Variants in ANKS3 observed in about 807,000 individuals in gnomAD.
The protein encoded by ANKS3 is ankyrin repeat and SAM domain-containing protein 3.
A neutral mutation model predicts 80.7 loss-of-function variants in ANKS3; 62 were observed. That is an observed-to-expected ratio of 0.77 (90% CI 0.63 to 0.95). The LOEUF is 0.95. ANKS3 is among the 40% of genes least tolerant of loss of function. The pLI, the probability that ANKS3 is intolerant of heterozygous loss-of-function variation, is 0.00. For synonymous variants in ANKS3, 489 were observed against 355.3 expected (o/e 1.38, Z -4.23); for missense variants, 1,150 against 883.6 (o/e 1.30, Z -3.82).
intron 7 of ANKS3, among the ~76,000 whole-genome samples, chr16:4,710,785 ATTTTG>A (rs2080443436): frequency 1.3e-5 from 2 of 152,084 alleles, no homozygotes; most frequent in South Asian, 2.1e-4. Context: ...AGAGTATTTT[ATTTTG>A]TTTTATTTTA....
At position 4,727,065 on chromosome 16, in the gene ANKS3, C is replaced by G; in HGVS notation, c.283G>C (p.Val95Leu). Residue 95 changes from valine to leucine, a missense_variant, in exon 4 of 18, where the codon GTG (valine) becomes CTG (leucine). By Grantham distance (32) the Val-to-Leu change is conservative (BLOSUM62 1). Coordinates refer to ENST00000304283, the MANE Select transcript of ANKS3 (RefSeq NM_133450.4). ...VHLLLEAGVS[V>L]NVPTPEGQTP... The stretch of plus-strand genomic sequence containing the variant: ...TGCCCTTCTGGGGTCGGCACATTCA[C>G]ACTCACCCCCGCCTCAAGCAGCAGG... 6.2e-7 allele frequency: 1 copy of G among 1,614,206 alleles called. No homozygotes were observed. Among genetic ancestry groups the G allele is most frequent in the Non-Finnish European group, 8.5e-7 (1 of 1,180,058 alleles).
At chr16:4,726,801 T>G in intron 4 of ANKS3, 21 bp from the exon 5 acceptor site, 1 of 1,609,678 alleles carries the variant, frequency 6.2e-7, no homozygotes, top group Admixed American at 1.7e-5. Context: ...ACACAGAACG[T>G]GCGTTACGGC....
Position 4,727,118 on chromosome 16 carries a change from G to T in ANKS3, c.230C>A (p.Ser77Tyr), listed in dbSNP as rs1057371708. The T allele has an allele frequency of 6.2e-7, 1 of 1,614,196 alleles. No homozygotes were observed. Among genetic ancestry groups the T allele is most frequent in the Non-Finnish European group, 8.5e-7 (1 of 1,180,040 alleles). Reference protein sequence around the residue: ...GGGWTPLMYASYIGHDTIVHL... With the variant: ...GGGWTPLMYAYYIGHDTIVHL... The stretch of plus-strand genomic sequence containing the variant: ...CACGATTGTGTCGTGGCCAATGTAG[G>T]AGGCATACATCAGCGGGGTCCAGCC... Residue 77 changes from serine to tyrosine, a missense_variant, in exon 4 of 18, where the codon TCC (serine) becomes TAC (tyrosine). Physicochemically the swap from Ser to Tyr is moderately radical, Grantham distance 144. Transcript: ENST00000304283.
At chr16:4,698,138 G>A in intron 14 of ANKS3, 76 bp from the exon 15 acceptor site, 1 of 1,457,946 alleles carries the variant, frequency 6.9e-7, no homozygotes, top group Non-Finnish European at 9.4e-7. Flanking sequence ...GACCTTCTAG[G>A]GGAGGGAGGG....
chr16:4,703,622 T>C (rs2080034123), intron 8 of ANKS3, among the ~76,000 whole-genome samples: 2 of 151,340 alleles, frequency 1.3e-5, no homozygotes, highest in Non-Finnish European at 2.9e-5. Flanking sequence ...GATTTCACCA[T>C]GTTGGCCAGG....
Position 4,697,393 on chromosome 16 carries a change from G to A in ANKS3, c.1834C>T (p.Leu612=), listed in dbSNP as rs2079622654. ...AGCTCGGGGAGGCTCATGGCCTGCA[G>A]GGACGCTTGCCAGCCCTTGGAGTCT... ...PADSKGWQAS[L]QAMSLPELSG... is the part of the protein sequence containing the mutation. Residue 612 remains leucine, a synonymous_variant, in exon 16 of 18, where the codon CTG becomes TTG. Transcript: ENST00000304283. The A allele has an allele frequency of 3.1e-6, 5 of 1,609,104 alleles. No individual in the cohort carries two copies. In the African/African-American group the frequency reaches 4.0e-5, roughly 13 times the overall value.
chr16:4,703,215 C>G (rs1194709600), intron 8 of ANKS3, among the ~76,000 whole-genome samples: 3 of 152,198 alleles, frequency 2.0e-5, no homozygotes, highest in African/African-American at 7.2e-5. Context: ...TGGGCTCAAG[C>G]AATCCTTCCA....
At chr16:4,733,301 A>T (rs985806090) in intron 1 of ANKS3, among the ~76,000 whole-genome samples, 127 of 144,492 alleles carry the variant, frequency 8.8e-4, no homozygotes, top group Middle Eastern at 3.5e-3. Context: ...ATTTATTATT[A>T]TTTTTTTTGA....
Position 4,703,421 on chromosome 16 carries a change from ATT to A in ANKS3, c.869-1181_869-1180del, listed in dbSNP as rs3051126. Among the ~76,000 whole-genome samples, 163 of 131,584 alleles carry A rather than the reference ATT, an allele frequency of 1.2e-3. 2 individuals carry two copies. The South Asian group carries it at 0.015, about 12-fold the overall frequency. The allele number at this position is 131,584 out of a possible 152,430, so 86.3% of individuals were successfully genotyped here. ...TAAGCCACTGCACCTGGCCCCCCCAATTTTTTTTTTTTTTTTTTGAGACGGAG... is the reference window on the plus strand; with the variant it reads ...TAAGCCACTGCACCTGGCCCCCCCAATTTTTTTTTTTTTTTTGAGACGGAG... On this transcript the variant is annotated intron_variant, in intron 8 of 17. Transcript: ENST00000304283.
Position 4,716,052 on chromosome 16 carries a change from A to T in ANKS3, c.574-1866T>A, listed in dbSNP as rs569596341. On this transcript the variant is annotated intron_variant, in intron 6 of 17. Transcript: ENST00000304283. ...GGTGACACGGACTAGGGTGCACAAA[A>T]CATCATTAAGAGAAAAAAGGCACAG... Among the ~76,000 whole-genome samples the T allele has an allele frequency of 1.8e-4, 28 of 152,100 alleles. 1 individual carries two copies. The highest frequency in any genetic ancestry group is 5.2e-4 in the Admixed American group (8 of 15,250).
At chr16:4,701,664 T>C in intron 9 of ANKS3, 121 bp from the exon 10 acceptor site, 2 of 808,956 alleles carry the variant, frequency 2.5e-6, no homozygotes, top group Non-Finnish European at 3.8e-6. Context: ...GTTGCTTCCT[T>C]ATATTTCAAA....
intron 9 of ANKS3, 44 bp from the exon 10 acceptor site, chr16:4,701,587 G>GGTGCTGCGCATGGGC: frequency 1.3e-6 from 2 of 1,552,804 alleles, no homozygotes; most frequent in African/African-American, 2.7e-5. Flanking sequence ...CCCTCACCGA[G>GGTGCTGCGCATGGGC]GTGCTGCGCA....
intron 7 of ANKS3, among the ~76,000 whole-genome samples, chr16:4,709,767 C>T (rs1036070957): frequency 1.3e-5 from 2 of 152,154 alleles, no homozygotes; most frequent in Non-Finnish European, 2.9e-5. Context: ...TCCCAACACT[C>T]TGGGAGGCCA....
intron 7 of ANKS3, among the ~76,000 whole-genome samples, chr16:4,710,935 G>A (rs966437119): frequency 6.8e-6 from 1 of 148,032 alleles, no homozygotes; most frequent in Admixed American, 6.7e-5. Flanking sequence ...AGTAGCTGGC[G>A]CACACCACCA....
chr16:4,732,678 C>CTAAA (rs1555480275), intron 1 of ANKS3, among the ~76,000 whole-genome samples: 1 of 69,960 alleles, frequency 1.4e-5, no homozygotes, highest in Non-Finnish European at 2.6e-5. Flanking sequence ...AATTCTGTCT[C>CTAAA]AAAAAAAAAA....
intron 3 of ANKS3, among the ~76,000 whole-genome samples, chr16:4,728,965 C>T (rs2081491105): frequency 6.6e-6 from 1 of 152,174 alleles, no homozygotes; most frequent in Non-Finnish European, 1.5e-5. Context: ...TTCAGCAATG[C>T]TTTGCTTTGG....
chr16:4,730,233 A>C, intron 2 of ANKS3, 82 bp from the exon 3 acceptor site: 2 of 1,297,604 alleles, frequency 1.5e-6, no homozygotes, highest in African/African-American at 1.5e-5. Flanking sequence ...CCCCTGCTAC[A>C]CCACTGCACT....
At chr16:4,705,042 C>G in intron 8 of ANKS3, 53 bp downstream of exon 8, 1 of 1,592,814 alleles carries the variant, frequency 6.3e-7, no homozygotes, top group African/African-American at 1.3e-5. Flanking sequence ...CTTGCCAACA[C>G]AAAATCCTGG....
chr16:4,706,515 G>C (rs1424298712), intron 7 of ANKS3, among the ~76,000 whole-genome samples: 1 of 152,234 alleles, frequency 6.6e-6, no homozygotes, highest in Non-Finnish European at 1.5e-5. Flanking sequence ...GGCATCACAG[G>C]AGTGAGCCAC....
Sources: gnomAD v4.1 joint callset for allele counts (sites outside exome capture counted in the v4.1 genomes callset) on GRCh38, gnomAD v4.1.1 for gene constraint, MANE v1.5 for transcripts, NCBI Gene and HGNC (gene_info 2026-07-23, HGNC 2026-07-21) for gene names.